The following OSBPL8 variants were observed in gnomAD, a reference collection of about 807,000 sequenced individuals.
The protein encoded by OSBPL8 is oxysterol-binding protein-related protein 8.
OSBPL8 carries 59 observed loss-of-function variants against 125.5 expected under a neutral mutation model. That is an observed-to-expected ratio of 0.47 (90% CI 0.38 to 0.58). The LOEUF (loss-of-function observed/expected upper bound fraction) is 0.58. Among genes scored for constraint, OSBPL8 ranks in the 20% least tolerant of loss-of-function variants. The pLI is 0.00. For missense variants in OSBPL8, 758 were observed against 1,047.8 expected (o/e 0.72, Z 3.82); for synonymous variants, 330 against 338.9 (o/e 0.97, Z 0.29).
chr12:76,554,660 C>T lies in OSBPL8; in HGVS notation c.-68+4737G>A, dbSNP rs546839298. 2.6e-5 allele frequency among the ~76,000 whole-genome samples: 4 copies of T among 152,318 alleles called. No homozygotes were observed. In the East Asian group the frequency reaches 7.7e-4, roughly 29 times the overall value. On this transcript the variant is annotated intron_variant, in intron 1 of 23. Coordinates refer to ENST00000261183, the MANE Select transcript of OSBPL8 (RefSeq NM_020841.5). ...TACCTGGTATATAGCAGTTGACGCA[C>T]ATTAGCTATTAATATGACCTATAAC... is the stretch of plus-strand genomic sequence containing the variant.
intron 18 of OSBPL8, among the ~76,000 whole-genome samples, chr12:76,373,126 T>A (rs1024641412): frequency 1.3e-5 from 2 of 152,194 alleles, no homozygotes; most frequent in Admixed American, 6.6e-5. Context: ...TATATAAGTG[T>A]TAGCTATTTC....
intron 4 of OSBPL8, among the ~76,000 whole-genome samples, chr12:76,430,209 A>G (rs1870646102): frequency 6.6e-6 from 1 of 152,074 alleles, no homozygotes; most frequent in East Asian, 1.9e-4. Flanking sequence ...ATGTGGCCCT[A>G]TATCATGATT....
At chr12:76,465,776 T>C (rs1875342548) in intron 2 of OSBPL8, among the ~76,000 whole-genome samples, 1 of 151,684 alleles carries the variant, frequency 6.6e-6, no homozygotes, top group East Asian at 1.9e-4. Context: ...GAGGCCAAGG[T>C]GGGAGGATCA....
chr12:76,542,323 T>C (rs1950668631), intron 1 of OSBPL8, among the ~76,000 whole-genome samples: 1 of 152,240 alleles, frequency 6.6e-6, no homozygotes, highest in African/African-American at 2.4e-5. Context: ...AGGGTTTCAT[T>C]CTAGTAGAGA....
chr12:76,532,958 T>C (rs560577721), intron 1 of OSBPL8, among the ~76,000 whole-genome samples: 109 of 152,348 alleles, frequency 7.2e-4, no homozygotes, highest in African/African-American at 2.4e-3. Flanking sequence ...TAGTAAATCA[T>C]TTAAGTTACC....
intron 7 of OSBPL8, among the ~76,000 whole-genome samples, chr12:76,398,126 A>T (rs777184231): frequency 5.3e-5 from 8 of 152,212 alleles, no homozygotes; most frequent in Non-Finnish European, 1.0e-4. Context: ...GTTTCAAAGT[A>T]GTGTACTAAG....
At chr12:76,544,060 G>T (rs887302022) in intron 1 of OSBPL8, among the ~76,000 whole-genome samples, 1 of 152,104 alleles carries the variant, frequency 6.6e-6, no homozygotes, top group Non-Finnish European at 1.5e-5. Flanking sequence ...TAACACTCAG[G>T]ATATAACTTT....
In OSBPL8 at chr12:76,355,807, T is replaced by A. The variant is rs889152617; in HGVS notation, c.*82A>T. The A allele has an allele frequency of 1.4e-6, 2 of 1,469,376 alleles. No homozygotes were observed. Among genetic ancestry groups the A allele is most frequent in the African/African-American group, 2.9e-5 (2 of 69,668 alleles). The allele number at this position is 1,469,376 out of a possible 1,614,324, so 91.0% of individuals were successfully genotyped here. On this transcript the variant is annotated 3_prime_UTR_variant, in exon 24 of 24. Coordinates refer to ENST00000261183, the MANE Select transcript of OSBPL8 (RefSeq NM_020841.5). Reference sequence around the variant, plus strand: ...TTTGTTTTCGGAATATTGTGATTTTTAATAAAGACCAAACCAACTTGAACA... The same window carrying A: ...TTTGTTTTCGGAATATTGTGATTTTAAATAAAGACCAAACCAACTTGAACA...
chr12:76,435,342 A>T (rs962979005), intron 4 of OSBPL8, among the ~76,000 whole-genome samples: 4 of 152,192 alleles, frequency 2.6e-5, no homozygotes, highest in African/African-American at 9.6e-5. Flanking sequence ...TGTAGAATTT[A>T]AAATAGTTGA....
At position 76,386,270 on chromosome 12, in the gene OSBPL8, G is replaced by GAAA; in HGVS notation, c.1435-5_1435-4insTTT. 6.9e-7 allele frequency: 1 copy of GAAA among 1,443,212 alleles called. No homozygotes were observed. Among genetic ancestry groups the GAAA allele is most frequent in the Admixed American group, 2.7e-5 (1 of 36,774 alleles). The allele number at this position is 1,443,212 out of a possible 1,614,324, so 89.4% of individuals were successfully genotyped here. The stretch of plus-strand genomic sequence containing the variant: ...GATTATAAGGTTTCTTCAGTCCCTG[G>GAAA]TAAAAAAAAAAAAAAGCAATTTCAA... On this transcript the variant is annotated splice_region_variant and splice_polypyrimidine_tract_variant and intron_variant, in intron 13 of 23. Transcript: ENST00000261183.
At chr12:76,538,329 T>C (rs1197437928) in intron 1 of OSBPL8, among the ~76,000 whole-genome samples, 2 of 152,308 alleles carry the variant, frequency 1.3e-5, no homozygotes, top group East Asian at 3.9e-4. Flanking sequence ...TAACTATATA[T>C]TCACTAAAAG....
At chr12:76,449,331 C>A (rs2136717908) in intron 4 of OSBPL8, among the ~76,000 whole-genome samples, 1 of 152,292 alleles carries the variant, frequency 6.6e-6, no homozygotes, top group Admixed American at 6.5e-5. Context: ...GGAGCAGAAT[C>A]CATTATACAA....
chr12:76,492,034 T>C (rs1270780439), intron 1 of OSBPL8, among the ~76,000 whole-genome samples: 1 of 152,070 alleles, frequency 6.6e-6, no homozygotes, highest in Non-Finnish European at 1.5e-5. Flanking sequence ...GGAGCCTATA[T>C]TCTGGAAGGG....
At chr12:76,508,318 T>C (rs1056431612) in intron 1 of OSBPL8, among the ~76,000 whole-genome samples, 4 of 152,348 alleles carry the variant, frequency 2.6e-5, no homozygotes, top group Middle Eastern at 3.4e-3. Flanking sequence ...ATCTACACTA[T>C]AGTAGTCATC....
At chr12:76,413,110 T>C (rs778074012) in intron 4 of OSBPL8, among the ~76,000 whole-genome samples, 6 of 152,154 alleles carry the variant, frequency 3.9e-5, no homozygotes, top group Non-Finnish European at 8.8e-5. Context: ...CATTTTTACT[T>C]CCAAAGGTTT....
intron 4 of OSBPL8, among the ~76,000 whole-genome samples, chr12:76,411,827 C>T (rs1336511488): frequency 6.6e-6 from 1 of 152,014 alleles, no homozygotes; most frequent in African/African-American, 2.4e-5. Flanking sequence ...GAGACAGAAA[C>T]CTACATCCCT....
intron 1 of OSBPL8, among the ~76,000 whole-genome samples, chr12:76,545,558 A>T (rs1321329448): frequency 6.6e-6 from 1 of 152,184 alleles, no homozygotes; most frequent in East Asian, 1.9e-4. Flanking sequence ...CTGATATTCA[A>T]TCCCAAAAGA....
At chr12:76,556,820 C>A (rs186866306) in intron 1 of OSBPL8, among the ~76,000 whole-genome samples, 15 of 152,094 alleles carry the variant, frequency 9.9e-5, no homozygotes, top group Admixed American at 6.5e-5. Context: ...CACACTGCCA[C>A]GCCCAGCTAA....
intron 21 of OSBPL8, among the ~76,000 whole-genome samples, chr12:76,368,256 G>A (rs1952492658): frequency 6.6e-6 from 1 of 152,076 alleles, no homozygotes; most frequent in African/African-American, 2.4e-5. Context: ...GGCCCCCATG[G>A]TTTCTATAAG....
Sources: gnomAD v4.1 joint callset for allele counts (sites outside exome capture counted in the v4.1 genomes callset) on GRCh38, gnomAD v4.1.1 for gene constraint, MANE v1.5 for transcripts, NCBI Gene and HGNC (gene_info 2026-07-23, HGNC 2026-07-21) for gene names.